CPNE1: variants seen among roughly 807,000 people sequenced by gnomAD.
CPNE1 encodes the protein copine 1, also known as copine-1.
CPNE1 carries 58 observed loss-of-function variants against 63.2 expected under a neutral mutation model. The observed-to-expected ratio is 0.92, with a 90% CI of 0.74 to 1.14. The LOEUF (loss-of-function observed/expected upper bound fraction) is 1.14, where lower values mean the gene tolerates loss of function less well. Among genes scored for constraint, CPNE1 ranks in the 50% most tolerant of loss-of-function variants. The pLI is 0.00. For synonymous variants in CPNE1, 237 were observed against 249.0 expected (o/e 0.95, Z 0.45); for missense variants, 672 against 661.7 (o/e 1.02, Z -0.17).
chr20:35,662,961 CAAAGT>C lies in CPNE1; in HGVS notation c.-1+1794_-1+1798del, dbSNP rs548165033. Among the ~76,000 whole-genome samples, 245 of 152,310 alleles carry C rather than the reference CAAAGT, an allele frequency of 1.6e-3. 1 individual carries two copies. Among genetic ancestry groups the C allele is most frequent in the Middle Eastern group, 6.8e-3 (2 of 294 alleles). Reference sequence around the variant, plus strand: ...AAAATTATACATTACAATCCATAAGCAAAGTAATCACATTTAATCGAGCATATATA... The same window carrying C: ...AAAATTATACATTACAATCCATAAGCAATCACATTTAATCGAGCATATATA... On this transcript the variant is annotated intron_variant, in intron 1 of 15. Transcript: ENST00000397443.
At chr20:35,632,717 G>A (rs780326868) in intron 2 of CPNE1, 21 bp from the exon 3 acceptor site, 34 of 898,802 alleles carry the variant, frequency 3.8e-5, no homozygotes, top group Non-Finnish European at 4.6e-5. Flanking sequence ...AGGCCAGTAA[G>A]CATCACAGTC....
intron 12 of CPNE1, 24 bp from the exon 13 acceptor site, chr20:35,630,514 G>A (rs1188510691): frequency 6.2e-7 from 1 of 1,613,370 alleles, no homozygotes; most frequent in Admixed American, 1.7e-5. Context: ...TGAAAATGAG[G>A]TTCTTTCCCC....
At chr20:35,658,879 T>C in intron 1 of CPNE1, 4 of 709,942 alleles carry the variant, frequency 5.6e-6, no homozygotes, top group Non-Finnish European at 1.0e-5. Context: ...CTTAATAAGC[T>C]ATCTCATTTT....
chr20:35,658,232 T>C (rs990514847), intron 1 of CPNE1, among the ~76,000 whole-genome samples: 5 of 152,190 alleles, frequency 3.3e-5, no homozygotes, highest in Admixed American at 6.5e-5. Flanking sequence ...CTAAAATTTG[T>C]ACTCTAAAAC....
chr20:35,654,998 G>C (rs139225127), intron 1 of CPNE1: 42 of 1,614,056 alleles, frequency 2.6e-5, no homozygotes, highest in Non-Finnish European at 3.5e-5. Context: ...CCTGAGCTAG[G>C]TGGTGGTCCT....
chr20:35,647,456 G>A (rs1364749128), intron 1 of CPNE1: 1 of 152,110 alleles, frequency 6.6e-6, no homozygotes, highest in Non-Finnish European at 1.5e-5. Flanking sequence ...ACTGGAAGGA[G>A]GTCCGTGGGG....
At chr20:35,650,868 TA>T (rs2033459258) in intron 1 of CPNE1, 1 of 152,612 alleles carries the variant, frequency 6.6e-6, no homozygotes, top group Non-Finnish European at 1.5e-5. Flanking sequence ...ATACTTATTT[TA>T]AAAGACTGAC....
rs2034058571 is a variant in CPNE1, at chr20:35,658,802, A to ACACACAC, written c.-1+5957_-1+5958insGTGTGTG. The ACACACAC allele has an allele frequency of 1.7e-5, 8 of 473,576 alleles. No individual in the cohort carries two copies. In the African/African-American group the frequency reaches 1.7e-4, roughly 10 times the overall value. The allele number at this position is 473,576 out of a possible 1,614,324, so 29.3% of individuals were successfully genotyped here. Reference sequence around the variant, plus strand: ...TCAAAACAAAAAACAAGCAAACAAAAACACACACACACACACACACACACA... The same window carrying ACACACAC: ...TCAAAACAAAAAACAAGCAAACAAAACACACACACACACACACACACACACACACACA... On this transcript the variant is annotated intron_variant, in intron 1 of 15. Transcript: ENST00000397443.
At chr20:35,628,467 C>T (rs2031911708) in intron 13 of CPNE1, among the ~76,000 whole-genome samples, 1 of 152,138 alleles carries the variant, frequency 6.6e-6, no homozygotes, top group Non-Finnish European at 1.5e-5. Flanking sequence ...CCAAAGTCAA[C>T]ATGACTGGTA....
rs749842021 is a variant in CPNE1 at position 35,652,952 on chromosome 20, T to C, written c.-1+11808A>G. 6.6e-5 allele frequency: 106 copies of C among 1,613,728 alleles called. No homozygotes were observed. The East Asian group carries it at 2.4e-3, about 36-fold the overall frequency. ...AAGCTACCAGGGCCATTTCCAAAAT[T>C]CTGAGGGCCCCCTCCAAATCCCGAT... On this transcript the variant is annotated intron_variant, in intron 1 of 15. Transcript: ENST00000397443.
At chr20:35,638,258 C>T (rs1006625788) in intron 1 of CPNE1, among the ~76,000 whole-genome samples, 10 of 152,190 alleles carry the variant, frequency 6.6e-5, no homozygotes, top group Non-Finnish European at 1.3e-4. Flanking sequence ...TAAATCTCCC[C>T]TATCCTGATC....
chr20:35,655,599 A>G (rs2033849788), intron 1 of CPNE1, among the ~76,000 whole-genome samples: 1 of 152,250 alleles, frequency 6.6e-6, no homozygotes, highest in Admixed American at 6.5e-5. Flanking sequence ...GTTCAAGAAA[A>G]AACAACTGTA....
intron 1 of CPNE1, among the ~76,000 whole-genome samples, chr20:35,663,999 C>A (rs1296384298): frequency 6.6e-6 from 1 of 152,226 alleles, no homozygotes; most frequent in African/African-American, 2.4e-5. Flanking sequence ...CTCACAGCAG[C>A]CCCTTCCCTA....
intron 13 of CPNE1, among the ~76,000 whole-genome samples, chr20:35,628,006 G>A (rs1370820186): frequency 6.6e-6 from 1 of 152,040 alleles, no homozygotes; most frequent in East Asian, 1.9e-4. Flanking sequence ...CTAAGGCCGG[G>A]CGCAGTGGCT....
intron 1 of CPNE1, chr20:35,654,445 C>T (rs955466975): frequency 1.9e-6 from 3 of 1,614,094 alleles, no homozygotes; most frequent in African/African-American, 2.7e-5. Flanking sequence ...TGGCTTCACA[C>T]TGCTCTGAGA....
intron 1 of CPNE1, among the ~76,000 whole-genome samples, chr20:35,634,736 A>C (rs1435649495): frequency 6.6e-6 from 1 of 151,910 alleles, no homozygotes; most frequent in Non-Finnish European, 1.5e-5. Context: ...AAATAAGCCA[A>C]GTTTGTTTGT....
rs768046649 is a variant in CPNE1 at position 35,626,746 on chromosome 20, G to A, written c.1294C>T (p.Arg432Cys). Residue 432 changes from arginine to cysteine, a missense_variant, in exon 15 of 16, where the codon CGT (arginine) becomes TGT (cysteine). Arg to Cys is a radical substitution (Grantham distance 180, BLOSUM62 -3). Transcript: ENST00000397443. ...TTCGAGGCACGCACCACAGCCTCAC[G>A]TGTGGCTTCCACATCCGTCACAGCA... The part of the protein sequence containing the change: ...DGAVTDVEAT[R>C]EAVVRASNLP... 9 of 1,613,990 alleles carry A rather than the reference G, an allele frequency of 5.6e-6. No homozygotes were observed. The highest frequency in any genetic ancestry group is 4.0e-5 in the African/African-American group (3 of 74,888).
At chr20:35,632,131 C>G in intron 5 of CPNE1, 32 bp downstream of exon 5, 1 of 1,611,724 alleles carries the variant, frequency 6.2e-7, no homozygotes, top group South Asian at 1.1e-5. Flanking sequence ...CCCCTTAACT[C>G]TTGGATTACC....
chr20:35,656,754 T>G (rs2033922793), intron 1 of CPNE1, among the ~76,000 whole-genome samples: 1 of 147,600 alleles, frequency 6.8e-6, no homozygotes, highest in Admixed American at 6.7e-5. Context: ...TGATCCACCC[T>G]CCTCAGTCTT....
Sources: gnomAD v4.1 joint callset for allele counts (sites outside exome capture counted in the v4.1 genomes callset) on GRCh38, gnomAD v4.1.1 for gene constraint, MANE v1.5 for transcripts, NCBI Gene and HGNC (gene_info 2026-07-23, HGNC 2026-07-21) for gene names.